PRKACB: variants seen among roughly 807,000 people sequenced by gnomAD.
PRKACB encodes protein kinase cAMP-activated catalytic subunit beta.
In PRKACB, 16 loss-of-function variants were observed where a neutral mutation model predicts 51.4. The observed-to-expected ratio is 0.31, with a 90% CI of 0.21 to 0.47. The LOEUF (loss-of-function observed/expected upper bound fraction) is 0.47. PRKACB is among the 20% of genes least tolerant of loss of function. The pLI, the probability that PRKACB is intolerant of heterozygous loss-of-function variation, is 1.00. For synonymous variants in PRKACB, 147 were observed against 154.4 expected, an observed-to-expected ratio of 0.95 and a Z score of 0.35; for missense variants, 309 against 464.5, an observed-to-expected ratio of 0.67 and a Z score of 3.08.
At chr1:84,185,924 T>C (rs1664951786) in intron 5 of PRKACB, among the ~76,000 whole-genome samples, 1 of 152,192 alleles carries the variant, frequency 6.6e-6, no homozygotes, top group East Asian at 1.9e-4. Flanking sequence ...GAAGCAAGAA[T>C]TGCAGTTTGA....
intron 1 of PRKACB, among the ~76,000 whole-genome samples, chr1:84,110,627 G>GT (rs1650153135): frequency 6.6e-6 from 1 of 151,860 alleles, no homozygotes; most frequent in African/African-American, 2.4e-5. Flanking sequence ...TTTGTTGTGA[G>GT]TTTTTTCCCT....
chr1:84,189,956 CTATT>C (rs774332221), intron 5 of PRKACB, among the ~76,000 whole-genome samples: 6 of 151,836 alleles, frequency 4.0e-5, no homozygotes, highest in African/African-American at 7.2e-5. Context: ...CTTTCCCTAA[CTATT>C]TACACATAAA....
chr1:84,082,877 T>G (rs1647660054), intron 1 of PRKACB, among the ~76,000 whole-genome samples: 1 of 152,240 alleles, frequency 6.6e-6, no homozygotes, highest in Non-Finnish European at 1.5e-5. Flanking sequence ...TGGTTATTTG[T>G]GGATCCTTAC....
chr1:84,161,170 T>A (rs1196847169), intron 1 of PRKACB, among the ~76,000 whole-genome samples: 1 of 151,948 alleles, frequency 6.6e-6, no homozygotes, highest in Non-Finnish European at 1.5e-5. Context: ...TATGCATTTC[T>A]AATTGTCACA....
intron 1 of PRKACB, among the ~76,000 whole-genome samples, chr1:84,114,164 T>C (rs528633277): frequency 1.3e-5 from 2 of 152,254 alleles, no homozygotes; most frequent in Admixed American, 6.5e-5. Flanking sequence ...ATGTCCATTA[T>C]TGAATTATTT....
At chr1:84,225,324 A>G (rs951554073) in intron 9 of PRKACB, among the ~76,000 whole-genome samples, 1 of 152,188 alleles carries the variant, frequency 6.6e-6, no homozygotes, top group Non-Finnish European at 1.5e-5. Flanking sequence ...TATCAGTGGC[A>G]GTGGCCCCAG....
intron 1 of PRKACB, among the ~76,000 whole-genome samples, chr1:84,106,656 T>C (rs1460727028): frequency 6.6e-6 from 1 of 152,128 alleles, no homozygotes; most frequent in Non-Finnish European, 1.5e-5. Flanking sequence ...GAAGAATCAA[T>C]ATGGTTAAAA....
chr1:84,132,068 C>G (rs1467409589), intron 1 of PRKACB, among the ~76,000 whole-genome samples: 1 of 152,212 alleles, frequency 6.6e-6, no homozygotes, highest in Admixed American at 6.5e-5. Flanking sequence ...TCAGCTCACT[C>G]TAGCCTTCCT....
intron 5 of PRKACB, among the ~76,000 whole-genome samples, chr1:84,187,769 A>G (rs958629203): frequency 2.0e-5 from 3 of 152,098 alleles, no homozygotes; most frequent in African/African-American, 7.2e-5. Flanking sequence ...TTTTTTCTCT[A>G]CATTGATTAC....
At chr1:84,145,391 T>C (rs1456067844) in intron 1 of PRKACB, among the ~76,000 whole-genome samples, 1 of 152,126 alleles carries the variant, frequency 6.6e-6, no homozygotes, top group Admixed American at 6.6e-5. Context: ...GTGTGTTTGT[T>C]TGATCATCAA....
At chr1:84,235,032 T>G (rs1033707087) in intron 9 of PRKACB, 148 bp from the exon 10 acceptor site, 47 of 804,800 alleles carry the variant, frequency 5.8e-5, no homozygotes, top group Admixed American at 3.8e-4. Flanking sequence ...GCTTGCTGCT[T>G]CTTCTAGCAC....
At chr1:84,129,008 C>G (rs780171485) in intron 1 of PRKACB, among the ~76,000 whole-genome samples, 1 of 151,996 alleles carries the variant, frequency 6.6e-6, no homozygotes, top group Non-Finnish European at 1.5e-5. Flanking sequence ...ACAGTGTACC[C>G]TAGACTCAAA....
At chr1:84,180,443 A>C (rs2100972767) in intron 2 of PRKACB, among the ~76,000 whole-genome samples, 1 of 151,456 alleles carries the variant, frequency 6.6e-6, no homozygotes, top group South Asian at 2.1e-4. Flanking sequence ...GAGGCAAGGG[A>C]TAAAAGACTA....
intron 1 of PRKACB, among the ~76,000 whole-genome samples, chr1:84,176,471 A>C (rs956683304): frequency 1.3e-5 from 2 of 151,820 alleles, no homozygotes; most frequent in African/African-American, 4.8e-5. Context: ...GAAATATTTT[A>C]TTTTTGGTAG....
rs530457666 is a variant in PRKACB, at chr1:84,172,192, A to C, written c.188-6985A>C. ...GTTACTGCCGAAGTTGATACTGTGC[A>C]TTCCTTATCATCTAGGAATCCATTC... On this transcript the variant is annotated intron_variant, in intron 1 of 9. Coordinates refer to ENST00000370685, the MANE Select transcript of PRKACB (RefSeq NM_182948.4). Among the ~76,000 whole-genome samples the C allele has an allele frequency of 2.6e-4, 39 of 151,804 alleles. No homozygotes were observed. In the South Asian group the frequency reaches 5.4e-3, roughly 21 times the overall value.
chr1:84,084,655 A>C (rs1330462427), intron 1 of PRKACB, among the ~76,000 whole-genome samples: 2 of 152,148 alleles, frequency 1.3e-5, no homozygotes, highest in Non-Finnish European at 2.9e-5. Flanking sequence ...AATTGAGCAG[A>C]ATGTATTGTA....
At chr1:84,105,439 TAAG>T (rs1374252741) in intron 1 of PRKACB, among the ~76,000 whole-genome samples, 1 of 152,088 alleles carries the variant, frequency 6.6e-6, no homozygotes, top group Non-Finnish European at 1.5e-5. Context: ...AGAAAAATAT[TAAG>T]AAGGTGAAAA....
chr1:84,084,112 G>A (rs1200466366), intron 1 of PRKACB, among the ~76,000 whole-genome samples: 1 of 152,158 alleles, frequency 6.6e-6, no homozygotes, highest in East Asian at 1.9e-4. Flanking sequence ...GGGAGGAAGA[G>A]GTTCAAAAAG....
At chr1:84,212,536 T>TAAAG (rs1672298105) in intron 8 of PRKACB, among the ~76,000 whole-genome samples, 1 of 151,498 alleles carries the variant, frequency 6.6e-6, no homozygotes, top group Non-Finnish European at 1.5e-5. Context: ...GACAGTGTAA[T>TAAAG]AAAGAGCAAA....
Sources: gnomAD v4.1 joint callset for allele counts (sites outside exome capture counted in the v4.1 genomes callset) on GRCh38, gnomAD v4.1.1 for gene constraint, MANE v1.5 for transcripts, NCBI Gene and HGNC (gene_info 2026-07-23, HGNC 2026-07-21) for gene names.